Variants in ZFAND5 observed in about 807,000 individuals in gnomAD.
The protein encoded by ZFAND5 is AN1-type zinc finger protein 5.
A neutral mutation model predicts 23.6 loss-of-function variants in ZFAND5; 4 were observed. That is an observed-to-expected ratio of 0.17 (90% confidence interval 0.08 to 0.39). The LOEUF is 0.39. Ranked by LOEUF, ZFAND5 falls within the 10% of genes least tolerant of loss-of-function variation. The probability of loss-of-function intolerance (pLI) is 1.00; values close to 1 mark genes in which losing one functional copy is unlikely to be tolerated. For missense variants in ZFAND5, 161 were observed against 253.7 expected, an observed-to-expected ratio of 0.63 and a Z score of 2.48; for synonymous variants, 68 against 80.6, an observed-to-expected ratio of 0.84 and a Z score of 0.84.
In ZFAND5 at chr9:72,364,369, T is replaced by C. The variant is rs866724589; in HGVS notation, c.-147+327A>G. On this transcript the variant is annotated intron_variant, in intron 1 of 6. Coordinates refer to ENST00000376962, the MANE Select transcript of ZFAND5 (RefSeq NM_001102420.3). ...CGCCGCCTCGGCCTCTTTGTTTCTC[T>C]GGGTCGTGGTGCCCACGCCGGGCGC... 164 of 1,152,926 alleles carry C rather than the reference T, an allele frequency of 1.4e-4. 2 individuals are homozygous for C. The Middle Eastern group carries it at 1.8e-3, about 12-fold the overall frequency. The allele number at this position is 1,152,926 out of a possible 1,614,324, so 71.4% of individuals were successfully genotyped here.
chr9:72,356,811 C>G (rs760377699), intron 6 of ZFAND5, 120 bp downstream of exon 6: 5 of 1,251,476 alleles, frequency 4.0e-6, no homozygotes, highest in Non-Finnish European at 5.2e-6. Context: ...TCCTAGACTA[C>G]AGCTAGTCAG....
chr9:72,357,831 G>A (rs1841988268), intron 5 of ZFAND5, among the ~76,000 whole-genome samples: 1 of 151,992 alleles, frequency 6.6e-6, no homozygotes, highest in Non-Finnish European at 1.5e-5. Flanking sequence ...ACCTAAAAAG[G>A]CTTTAAGTTT....
chr9:72,364,624 C>T, intron 1 of ZFAND5, 72 bp downstream of exon 1: 5 of 1,191,864 alleles, frequency 4.2e-6, no homozygotes, highest in Non-Finnish European at 5.3e-6. Flanking sequence ...CGCGGCGCCC[C>T]GGTCCCTTCA....
rs1841802150 is a variant in ZFAND5, at chr9:72,352,497, C to A, written c.*3456G>T. 1 of 152,072 alleles carries A rather than the reference C, an allele frequency of 6.6e-6. No homozygotes were observed. Among genetic ancestry groups the A allele is most frequent in the Non-Finnish European group, 1.5e-5 (1 of 68,020 alleles). The allele number at this position is 152,072 out of a possible 1,614,324, so 9.4% of individuals were successfully genotyped here. A position where few individuals can be genotyped will look rare whatever the true frequency, so the allele number is the denominator to read the frequency against. On this transcript the variant is annotated 3_prime_UTR_variant, in exon 7 of 7. Transcript: ENST00000376962. ...TGCTTCTCAGTGTGTATTGATAAAT[C>A]CATGTGAATGTTATTACCAACCCCC...
intron 4 of ZFAND5, 133 bp from the exon 5 acceptor site, chr9:72,359,654 T>A (rs1177448244): frequency 4.8e-6 from 4 of 825,888 alleles, no homozygotes; most frequent in African/African-American, 3.6e-5. Flanking sequence ...ATCTAAAGTT[T>A]AAAAAAAAAT....
Position 72,360,523 on chromosome 9 carries a change from C to T in ZFAND5, c.151+105G>A, listed in dbSNP as rs764209879. On this transcript the variant is annotated intron_variant, in intron 3 of 6. Coordinates refer to ENST00000376962, the MANE Select transcript of ZFAND5 (RefSeq NM_001102420.3). The stretch of plus-strand genomic sequence containing the variant: ...TGTTGCTTGAATTTCAAGCTCTTAT[C>T]AGGTGTTCTCTCCATGTGCTTTCAG... 1.3e-3 allele frequency: 1,873 copies of T among 1,469,238 alleles called. 2 individuals are homozygous for T. Among genetic ancestry groups the T allele is most frequent in the Non-Finnish European group, 1.6e-3 (1,761 of 1,068,140 alleles). 91.0% of individuals were successfully genotyped at this position (1,469,238 alleles called of 1,614,324 possible).
At chr9:72,360,901 G>A in intron 2 of ZFAND5, 114 bp from the exon 3 acceptor site, 10 of 946,810 alleles carry the variant, frequency 1.1e-5, no homozygotes, top group Middle Eastern at 2.3e-4. Flanking sequence ...CCCAAATTCC[G>A]TTAATCATTA....
At chr9:72,357,631 C>G (rs911380369) in intron 5 of ZFAND5, among the ~76,000 whole-genome samples, 1 of 152,122 alleles carries the variant, frequency 6.6e-6, no homozygotes, top group African/African-American at 2.4e-5. Context: ...CACTAAACAT[C>G]ATAGGAAGAC....
intron 5 of ZFAND5, 111 bp downstream of exon 5, chr9:72,359,307 T>G (rs1338575533): frequency 2.0e-6 from 2 of 995,406 alleles, no homozygotes; most frequent in Non-Finnish European, 3.0e-6. Context: ...GCCTATATTT[T>G]ATGGCTCTCC....
chr9:72,357,742 GGC>G (rs1841985077), intron 5 of ZFAND5, among the ~76,000 whole-genome samples: 1 of 151,994 alleles, frequency 6.6e-6, no homozygotes, highest in South Asian at 2.1e-4. Flanking sequence ...GGATTCCACA[GGC>G]AGAACAAGAA....
chr9:72,360,398 C>A, intron 3 of ZFAND5, 177 bp from the exon 4 acceptor site: 1 of 821,502 alleles, frequency 1.2e-6, no homozygotes, highest in Non-Finnish European at 1.9e-6. Context: ...CCAATGAACA[C>A]AAGTGTGAAA....
chr9:72,362,591 C>CA (rs1484430799), intron 2 of ZFAND5, among the ~76,000 whole-genome samples: 2 of 152,196 alleles, frequency 1.3e-5, no homozygotes, highest in African/African-American at 4.8e-5. Flanking sequence ...TTCACACACT[C>CA]AGAGATAACA....
chr9:72,360,224 A>G lies in ZFAND5; in HGVS notation c.152-3T>C, dbSNP rs753012729. 8.1e-6 allele frequency: 13 copies of G among 1,605,870 alleles called. No individual in the cohort carries two copies. Among genetic ancestry groups the G allele is most frequent in the Non-Finnish European group, 1.1e-5 (13 of 1,176,950 alleles). ...ACTGTTGGAACCACTAGCTGTTCCTATTTAAAAAAAGGATTTGTAAGGAAC... is the reference window on the plus strand; with the variant it reads ...ACTGTTGGAACCACTAGCTGTTCCTGTTTAAAAAAAGGATTTGTAAGGAAC... On this transcript the variant is annotated splice_region_variant and splice_polypyrimidine_tract_variant and intron_variant, in intron 3 of 6. Transcript: ENST00000376962.
intron 5 of ZFAND5, among the ~76,000 whole-genome samples, chr9:72,359,196 G>A (rs772932249): frequency 6.6e-6 from 1 of 152,158 alleles, no homozygotes; most frequent in African/African-American, 2.4e-5. Context: ...CAAGGGTAGT[G>A]CAGGGGATGA....
chr9:72,364,898 G>C lies in ZFAND5; in HGVS notation c.-349C>G, dbSNP rs967423933. The C allele has an allele frequency of 5.2e-5, 8 of 153,644 alleles. No individual in the cohort carries two copies. The highest frequency in any genetic ancestry group is 1.9e-4 in the African/African-American group (8 of 41,466). 9.5% of individuals were successfully genotyped at this position (153,644 alleles called of 1,614,324 possible). A position where few individuals can be genotyped will look rare whatever the true frequency, so the allele number is the denominator to read the frequency against. ...CTGCAGCAGCGTCGAGCGTGGCCGG[G>C]ACACGCCGGAGCTCGGGAAGTGGGA... On this transcript the variant is annotated 5_prime_UTR_variant, in exon 1 of 7. Transcript: ENST00000376962.
At chr9:72,357,151 G>T in intron 5 of ZFAND5, 95 bp from the exon 6 acceptor site, 2 of 1,430,998 alleles carry the variant, frequency 1.4e-6, no homozygotes, top group Non-Finnish European at 9.4e-7. Context: ...GAAGATGCCT[G>T]ATAAAAATGT....
intron 3 of ZFAND5, 90 bp downstream of exon 3, chr9:72,360,538 T>C (rs907012173): frequency 1.6e-5 from 25 of 1,558,292 alleles, no homozygotes; most frequent in South Asian, 1.1e-4. Flanking sequence ...GTTCTCTCCA[T>C]GTGCTTTCAG....
Position 72,355,743 on chromosome 9 carries a change from G to T in ZFAND5, c.*210C>A. On this transcript the variant is annotated 3_prime_UTR_variant, in exon 7 of 7. Coordinates refer to ENST00000376962, the MANE Select transcript of ZFAND5 (RefSeq NM_001102420.3). ...CAGATTTTCATCCAATTTTTTTCAG[G>T]GGAGGGCATATACATTTGTAGGGCT... 1 of 382,548 alleles carries T rather than the reference G, an allele frequency of 2.6e-6. No homozygotes were observed. The highest frequency in any genetic ancestry group is 4.6e-6 in the Non-Finnish European group (1 of 217,962). 23.7% of individuals were successfully genotyped at this position (382,548 alleles called of 1,614,324 possible). A position where few individuals can be genotyped will look rare whatever the true frequency, so the allele number is the denominator to read the frequency against.
rs1475067289 is a variant in ZFAND5 at position 72,354,722 on chromosome 9, A to G, written c.*1231T>C. The G allele has an allele frequency of 6.6e-6, 1 of 152,562 alleles. No homozygotes were observed. The highest frequency in any genetic ancestry group is 1.5e-5 in the Non-Finnish European group (1 of 68,050). The allele number at this position is 152,562 out of a possible 1,614,324, so 9.5% of individuals were successfully genotyped here. A position where few individuals can be genotyped will look rare whatever the true frequency, so the allele number is the denominator to read the frequency against. ...AGATGAAAACAGGCATTACCACAAC[A>G]CTAACTATACTCATTTATATATAAA... is the stretch of plus-strand genomic sequence containing the variant. On this transcript the variant is annotated 3_prime_UTR_variant, in exon 7 of 7. Coordinates refer to ENST00000376962, the MANE Select transcript of ZFAND5 (RefSeq NM_001102420.3).
Sources: allele counts gnomAD v4.1 joint callset (sites outside exome capture counted in the v4.1 genomes callset), GRCh38; gene constraint gnomAD v4.1.1; transcripts MANE v1.5; gene names NCBI Gene and HGNC (gene_info 2026-07-23, HGNC 2026-07-21).